COL6A3: variants seen among roughly 807,000 people sequenced by gnomAD.
COL6A3 encodes the protein collagen type VI alpha 3 chain, also known as collagen alpha-3(VI) chain.
A neutral mutation model predicts 274.1 loss-of-function variants in COL6A3; 137 were observed. The observed-to-expected ratio is 0.50, with a 90% CI of 0.44 to 0.58. COL6A3 has a LOEUF of 0.58. Among genes scored for constraint, COL6A3 ranks in the 20% least tolerant of loss-of-function variants. The probability of loss-of-function intolerance (pLI) is 0.00; values close to 1 mark genes in which losing one functional copy is unlikely to be tolerated. For synonymous variants in COL6A3, 1,650 were observed against 1,650.6 expected (o/e 1.00, Z 0.01); for missense variants, 3,950 against 4,124.9 (o/e 0.96, Z 1.16).
intron 1 of COL6A3, among the ~76,000 whole-genome samples, chr2:237,409,528 G>GT (rs200283913): frequency 0.031 from 4,646 of 150,946 alleles, 203 homozygotes; most frequent in African/African-American, 0.099. Flanking sequence ...TTAGGTTTTT[G>GT]TTTTTTTTGT....
At chr2:237,370,894 G>GATCACA (rs2077670615) in intron 9 of COL6A3, among the ~76,000 whole-genome samples, 1 of 152,182 alleles carries the variant, frequency 6.6e-6, no homozygotes, top group Non-Finnish European at 1.5e-5. Context: ...AATGGGGCAA[G>GATCACA]ATGAAAATGA....
At chr2:237,339,300 C>T (rs749715998) in intron 38 of COL6A3, among the ~76,000 whole-genome samples, 183 bp from the exon 39 acceptor site, 45 of 152,154 alleles carry the variant, frequency 3.0e-4, no homozygotes, top group Non-Finnish European at 5.7e-4. Flanking sequence ...GGCATTGGAT[C>T]CATAAAACAT....
chr2:237,393,434 A>G (rs906511027), intron 3 of COL6A3, among the ~76,000 whole-genome samples: 3 of 152,122 alleles, frequency 2.0e-5, no homozygotes, highest in African/African-American at 4.8e-5. Flanking sequence ...TGTCAACTCA[A>G]CTTGAACTCT....
In COL6A3 at chr2:237,340,776, C is replaced by T. The variant is rs748491825; in HGVS notation, c.8140G>A (p.Ala2714Thr). 1 of 1,614,048 alleles carries T rather than the reference C, an allele frequency of 6.2e-7. No individual in the cohort carries two copies. Among genetic ancestry groups the T allele is most frequent in the African/African-American group, 1.3e-5 (1 of 74,914 alleles). The change falls in exon 38 of 44, where the codon GCC becomes ACC. Residue 2714 changes from alanine (A) to threonine (T), a missense_variant. Around this residue, in one of 5 missense-constraint regions of COL6A3, gnomAD observed 1,284 missense variants for 1,349.7 expected, o/e 0.95. Transcript: ENST00000295550. ...RGMTQLQGTR[A>T]LGSAIEYTIE... ...GTGTATTCAATGGCACTGCCTAAGGCCCTGGTTCCCTGCAACTGTGTCATT... is the reference window on the plus strand; with the variant it reads ...GTGTATTCAATGGCACTGCCTAAGGTCCTGGTTCCCTGCAACTGTGTCATT...
intron 8 of COL6A3, among the ~76,000 whole-genome samples, chr2:237,373,683 T>C (rs891541246): frequency 6.6e-6 from 1 of 152,002 alleles, no homozygotes; most frequent in African/African-American, 2.4e-5. Context: ...AGGCCGCATC[T>C]GCCTCCTTCG....
rs1247992131 is a variant in COL6A3, at chr2:237,332,111, A to AT, written c.9328+1338dup. 6.0e-3 allele frequency among the ~76,000 whole-genome samples: 599 copies of AT among 100,648 alleles called. 115 individuals are homozygous for AT. The highest frequency in any genetic ancestry group is 6.9e-3 in the Non-Finnish European group (336 of 48,700). The allele number at this position is 100,648 out of a possible 152,430, so 66.0% of individuals were successfully genotyped here. On this transcript the variant is annotated intron_variant, in intron 42 of 43. Transcript: ENST00000295550. ...TATATATATATATATATATATATAT[A>AT]TATATATGAAAAGAAAAACAAAACA...
At chr2:237,408,860 C>T (rs1288920228) in intron 1 of COL6A3, among the ~76,000 whole-genome samples, 2 of 152,094 alleles carry the variant, frequency 1.3e-5, no homozygotes, top group East Asian at 1.9e-4. Flanking sequence ...CAGAACTTTT[C>T]GTATTTGTTT....
At chr2:237,377,852 G>A (rs2077891947) in intron 6 of COL6A3, among the ~76,000 whole-genome samples, 2 of 152,164 alleles carry the variant, frequency 1.3e-5, no homozygotes, top group South Asian at 4.1e-4. Flanking sequence ...GAGGTTACGG[G>A]CCAAGACCCA....
rs759004319 is a variant in COL6A3, at chr2:237,394,843, A to C, written c.453T>G (p.Asp151Glu). The C allele has an allele frequency of 9.3e-6, 15 of 1,613,950 alleles. No individual in the cohort carries two copies. The African/African-American group carries it at 9.3e-5, about 10-fold the overall frequency. ...GVPQVIVVLTDGHSKDGLALP... is the reference protein window; with the variant it reads ...GVPQVIVVLTEGHSKDGLALP... ...GAGCAAGGCCATCCTTCGAGTGTCC[A>C]TCAGTTAACACTACGATAACCTGAG... The change falls in exon 3 of 44, where the codon GAT (aspartate) becomes GAG (glutamate). Residue 151 changes from aspartate (D) to glutamate (E), a missense_variant. Asp to Glu is a conservative substitution (Grantham distance 45). This residue lies in a region of COL6A3 where 1,934 missense variants were observed against 1,984.3 expected (regional missense o/e 0.97). Transcript: ENST00000295550.
chr2:237,398,933 G>A (rs1159297946), intron 1 of COL6A3, among the ~76,000 whole-genome samples: 2 of 152,150 alleles, frequency 1.3e-5, no homozygotes, highest in Non-Finnish European at 2.9e-5. Context: ...TGTGATCATT[G>A]CAGTTTTTCA....
chr2:237,375,813 G>T (rs1281527923), intron 7 of COL6A3, among the ~76,000 whole-genome samples: 1 of 152,192 alleles, frequency 6.6e-6, no homozygotes, highest in Non-Finnish European at 1.5e-5. Context: ...AGAGTGCTGG[G>T]ATTACAGGTG....
intron 32 of COL6A3, among the ~76,000 whole-genome samples, chr2:237,345,883 A>G (rs913775326): frequency 1.3e-5 from 2 of 152,188 alleles, no homozygotes; most frequent in African/African-American, 4.8e-5. Flanking sequence ...TAAGCCCTGA[A>G]CCTTTCCTTC....
chr2:237,336,327 T>C lies in COL6A3; in HGVS notation c.8773A>G (p.Thr2925Ala). Residue 2925 changes from threonine to alanine, a missense_variant, in exon 40 of 44, where the codon ACA (threonine) becomes GCA (alanine). Coordinates refer to ENST00000295550, the MANE Select transcript of COL6A3 (RefSeq NM_004369.4). ...GGGGGTCTAACAGTGGCCATCTTTGTGGCCACAGGCTTGGCAGCCACAGGT... is the reference window on the plus strand; with the variant it reads ...GGGGGTCTAACAGTGGCCATCTTTGCGGCCACAGGCTTGGCAGCCACAGGT... ...AKPVAAKPVA[T>A]KMATVRPPVA... The C allele has an allele frequency of 1.2e-6, 2 of 1,613,358 alleles. No individual in the cohort carries two copies. The highest frequency in any genetic ancestry group is 1.7e-6 in the Non-Finnish European group (2 of 1,179,392).
At chr2:237,333,143 C>A (rs181523770) in intron 42 of COL6A3, 1 of 437,294 alleles carries the variant, frequency 2.3e-6, no homozygotes, top group Admixed American at 3.4e-5. Context: ...CATCACAGAC[C>A]ACAAATCAAC....
Position 237,324,722 on chromosome 2 carries a change from C to A in COL6A3, c.*52G>T. 1 of 1,580,270 alleles carries A rather than the reference C, an allele frequency of 6.3e-7. No individual in the cohort carries two copies. Among genetic ancestry groups the A allele is most frequent in the South Asian group, 1.1e-5 (1 of 90,304 alleles). Reference sequence around the variant, plus strand: ...CGGAGCTTCTACAGAGACAAGTTGGCGATGGCTGACTCCTTCTTCTTCAAG... The same window carrying A: ...CGGAGCTTCTACAGAGACAAGTTGGAGATGGCTGACTCCTTCTTCTTCAAG... On this transcript the variant is annotated 3_prime_UTR_variant, in exon 44 of 44. Coordinates refer to ENST00000295550, the MANE Select transcript of COL6A3 (RefSeq NM_004369.4).
chr2:237,379,761 T>G (rs1472742523), intron 5 of COL6A3, among the ~76,000 whole-genome samples: 1 of 152,204 alleles, frequency 6.6e-6, no homozygotes, highest in Non-Finnish European at 1.5e-5. Context: ...TATTGAAGTC[T>G]TCTTCAGACT....
At position 237,368,773 on chromosome 2, in the gene COL6A3, G is replaced by A. The variant is rs200825417; in HGVS notation, c.4690C>T (p.Arg1564Cys). ...CCTAAACTCACAATGCCCGAGGAAC[G>A]GATCACCTGGGCGAACCTGGACACA... ...DDVSRFAQVI[R>C]SSGIVSLGVG... The change falls in exon 10 of 44, where the codon CGT (arginine) becomes TGT (cysteine). Residue 1564 changes from arginine (R) to cysteine (C), a missense_variant. Transcript: ENST00000295550. The surrounding 1 kb of genome is among the most constrained non-coding windows in gnomAD (Gnocchi z 4.4). The A allele has an allele frequency of 2.0e-5, 32 of 1,614,072 alleles. No homozygotes were observed. Among genetic ancestry groups the A allele is most frequent in the South Asian group, 1.6e-4 (15 of 91,084 alleles).
In COL6A3 at chr2:237,372,165, G is replaced by T. The variant is rs148561729; in HGVS notation, c.3852C>A (p.Phe1284Leu). The T allele has an allele frequency of 2.4e-4, 382 of 1,613,994 alleles. No individual in the cohort carries two copies. The highest frequency in any genetic ancestry group is 3.0e-4 in the Non-Finnish European group (357 of 1,180,050). Reference protein sequence around the residue: ...IQFSDDPKVEFLLNAHSSKDE... With the variant: ...IQFSDDPKVELLLNAHSSKDE... ...CCTTGCTGGAATGGGCGTTCAGCAG[G>T]AACTCCACCTTGGGGTCATCGCTGA... Residue 1284 changes from phenylalanine to leucine, a missense_variant, in exon 9 of 44, where the codon TTC becomes TTA. This residue lies in a region of COL6A3 where 1,934 missense variants were observed against 1,984.3 expected (regional missense o/e 0.97). Transcript: ENST00000295550.
chr2:237,391,556 G>A (rs2078289442), intron 3 of COL6A3, among the ~76,000 whole-genome samples: 2 of 151,436 alleles, frequency 1.3e-5, no homozygotes, highest in South Asian at 4.2e-4. Flanking sequence ...GTTTTAGACA[G>A]AGTTTCACTC....
Sources: gnomAD v4.1 joint callset for allele counts (sites outside exome capture counted in the v4.1 genomes callset) on GRCh38, gnomAD v4.1.1 for gene constraint, gnomAD v4.1.1 regional missense constraint, Gnocchi (gnomAD v3.1) non-coding constraint, MANE v1.5 for transcripts, NCBI Gene and HGNC (gene_info 2026-07-23, HGNC 2026-07-21) for gene names.